ACLY: variants seen among roughly 807,000 people sequenced by gnomAD.
ACLY encodes the protein ATP citrate lyase.
A neutral mutation model predicts 133.0 loss-of-function variants in ACLY; 41 were observed. The observed-to-expected ratio is 0.31, with a 90% CI of 0.24 to 0.40. The LOEUF (loss-of-function observed/expected upper bound fraction) is 0.40, where lower values mean the gene tolerates loss of function less well. ACLY is among the 10% of genes least tolerant of loss of function. ACLY has a pLI of 1.00. For missense variants in ACLY, 1,046 were observed against 1,453.8 expected (o/e 0.72, Z 4.56); for synonymous variants, 495 against 549.3 (o/e 0.90, Z 1.38).
intron 19 of ACLY, 104 bp downstream of exon 19, chr17:41,884,089 C>A: frequency 1.5e-6 from 1 of 686,008 alleles, no homozygotes; most frequent in Non-Finnish European, 2.6e-6. Context: ...TTACCAGGGA[C>A]TGTCCCTTTA....
At chr17:41,890,560 C>T (rs770401025) in intron 16 of ACLY, among the ~76,000 whole-genome samples, 36 of 151,504 alleles carry the variant, frequency 2.4e-4, no homozygotes, top group Middle Eastern at 3.4e-3. Context: ...TGGTGGCAGG[C>T]GCCTGTAATC....
At chr17:41,901,649 G>T in intron 11 of ACLY, 47 bp downstream of exon 11, 1 of 1,497,160 alleles carries the variant, frequency 6.7e-7, no homozygotes, top group Non-Finnish European at 9.3e-7. Context: ...AAAGAGGAAG[G>T]CCACCCACAC....
At chr17:41,901,958 G>T in intron 10 of ACLY, 145 bp from the exon 11 acceptor site, 1 of 623,280 alleles carries the variant, frequency 1.6e-6, no homozygotes, top group Non-Finnish European at 2.8e-6. Context: ...CCACGGCCTG[G>T]GATATGATCA....
At chr17:41,928,697 C>T (rs151296917) in intron 1 of ACLY, among the ~76,000 whole-genome samples, 1 of 151,740 alleles carries the variant, frequency 6.6e-6, no homozygotes, top group African/African-American at 2.4e-5. Context: ...ACTAAAAATA[C>T]AAAAAATTAG....
intron 23 of ACLY, 34 bp downstream of exon 23, chr17:41,873,777 C>A: frequency 6.6e-7 from 1 of 1,517,454 alleles, no homozygotes; most frequent in South Asian, 1.3e-5. Flanking sequence ...CTCTGAGCTG[C>A]AGGGCCCTGT....
At chr17:41,897,619 T>C in intron 13 of ACLY, 130 bp downstream of exon 13, 1 of 800,996 alleles carries the variant, frequency 1.2e-6, no homozygotes, top group Non-Finnish European at 1.9e-6. Flanking sequence ...CCAGGTGCAC[T>C]CCCATTGCAA....
At chr17:41,910,404 A>G (rs1373179112) in intron 3 of ACLY, 120 bp from the exon 4 acceptor site, 3 of 796,908 alleles carry the variant, frequency 3.8e-6, no homozygotes, top group Non-Finnish European at 6.1e-6. Flanking sequence ...CAGCAAAGAG[A>G]GATTTTTCCA....
intron 20 of ACLY, among the ~76,000 whole-genome samples, chr17:41,881,416 C>CAAAAA (rs34173466): frequency 2.4e-5 from 1 of 41,574 alleles, no homozygotes; most frequent in Non-Finnish European, 4.6e-5. Flanking sequence ...GACTCCGTCT[C>CAAAAA]AAAAAAAAAA....
Position 41,873,834 on chromosome 17 carries a change from G to A in ACLY, c.2619C>T (p.Leu873=), listed in dbSNP as rs2277697. ...ACCTTTTCTGGAACCAGAGGAGGCC[G>A]AGGACCCCGCCAATGCCCATCTCTT... is the stretch of plus-strand genomic sequence containing the variant. The part of the protein sequence containing the change: ...FKEEMGIGGV[L]GLLWFQKRLP... Residue 873 remains leucine (L), a synonymous_variant, in exon 23 of 29, where the codon CTC becomes CTT. Transcript: ENST00000352035. 2.0e-4 allele frequency: 322 copies of A among 1,583,520 alleles called. 1 individual carries two copies. The East Asian group carries it at 6.3e-3, about 31-fold the overall frequency.
At chr17:41,895,849 G>A (rs535903106) in intron 14 of ACLY, among the ~76,000 whole-genome samples, 1 of 152,178 alleles carries the variant, frequency 6.6e-6, no homozygotes, top group South Asian at 2.1e-4. Context: ...AGACTTCCCC[G>A]CCTCCACGGC....
At chr17:41,928,919 T>C (rs1416758490) in intron 1 of ACLY, among the ~76,000 whole-genome samples, 4 of 150,886 alleles carry the variant, frequency 2.7e-5, no homozygotes, top group African/African-American at 9.8e-5. Context: ...GATCTCTTCC[T>C]TGCAGGAGGT....
intron 20 of ACLY, among the ~76,000 whole-genome samples, chr17:41,881,440 A>G (rs997891349): frequency 1.3e-5 from 2 of 149,856 alleles, no homozygotes; most frequent in South Asian, 2.1e-4. Flanking sequence ...AAAAAAAAAA[A>G]GGAGAATCAG....
intron 1 of ACLY, among the ~76,000 whole-genome samples, chr17:41,917,079 G>C (rs1555634675): frequency 6.9e-6 from 1 of 145,124 alleles, no homozygotes; most frequent in East Asian, 2.1e-4. Flanking sequence ...GGAGGTTGCA[G>C]TGAACCGAGA....
chr17:41,909,722 C>T, intron 4 of ACLY, 22 bp from the exon 5 acceptor site: 2 of 1,610,668 alleles, frequency 1.2e-6, no homozygotes, highest in Non-Finnish European at 1.7e-6. Context: ...AGAGACAGGA[C>T]AGTGGGATTG....
chr17:41,884,533 G>A (rs971349385), intron 18 of ACLY, among the ~76,000 whole-genome samples: 4 of 152,186 alleles, frequency 2.6e-5, no homozygotes. Context: ...AGAGAGGTTC[G>A]CTCAGCAGTA....
chr17:41,895,747 C>G (rs2049346817), intron 14 of ACLY, among the ~76,000 whole-genome samples: 1 of 152,210 alleles, frequency 6.6e-6, no homozygotes, highest in South Asian at 2.1e-4. Flanking sequence ...GGATTAAAGC[C>G]AGGTGGCCAC....
At chr17:41,878,059 AG>A in intron 22 of ACLY, 43 bp downstream of exon 22, 2 of 1,378,454 alleles carry the variant, frequency 1.5e-6, no homozygotes, top group South Asian at 3.3e-5. Flanking sequence ...ATAGACCCAC[AG>A]ATCTCCCTTG....
chr17:41,898,491 G>T, intron 12 of ACLY, 140 bp downstream of exon 12: 1 of 1,141,106 alleles, frequency 8.8e-7, no homozygotes, highest in Non-Finnish European at 1.2e-6. Flanking sequence ...AAAAAAATTG[G>T]CAGAGATCCA....
chr17:41,908,931 C>T, intron 6 of ACLY, 58 bp downstream of exon 6: 9 of 1,406,242 alleles, frequency 6.4e-6, no homozygotes, highest in Non-Finnish European at 9.0e-6. Flanking sequence ...ATGCCAAGGC[C>T]AGGGCTGTCA....
Sources: allele counts gnomAD v4.1 joint callset (sites outside exome capture counted in the v4.1 genomes callset), GRCh38; gene constraint gnomAD v4.1.1; transcripts MANE v1.5; gene names NCBI Gene and HGNC (gene_info 2026-07-23, HGNC 2026-07-21).